The following TMEM232 variants were observed in gnomAD, a reference collection of about 807,000 sequenced individuals.
TMEM232 encodes transmembrane protein 232.
In TMEM232, 80 loss-of-function variants were observed where a neutral mutation model predicts 78.8. The observed-to-expected ratio is 1.01, with a 90% confidence interval of 0.85 to 1.22. TMEM232 has a LOEUF of 1.22. Among genes scored for constraint, TMEM232 ranks in the 50% most tolerant of loss-of-function variants. The pLI, the probability that TMEM232 is intolerant of heterozygous loss-of-function variation, is 0.00. For missense variants in TMEM232, 881 were observed against 742.2 expected (o/e 1.19, Z -2.17); for synonymous variants, 297 against 254.3 (o/e 1.17, Z -1.60).
At chr5:110,701,878 G>C (rs759277184) in intron 1 of TMEM232, among the ~76,000 whole-genome samples, 76 of 152,132 alleles carry the variant, frequency 5.0e-4, no homozygotes, top group Middle Eastern at 3.4e-3. Context: ...TTAGCAAAGA[G>C]AAGTCATGAG....
rs1169995224 is a variant in TMEM232, at chr5:110,532,269, TCTGA to T, written c.1456-3438_1456-3435del. 9.9e-5 allele frequency among the ~76,000 whole-genome samples: 15 copies of T among 151,962 alleles called. No homozygotes were observed. In the South Asian group the frequency reaches 1.9e-3, roughly 19 times the overall value. On this transcript the variant is annotated intron_variant, in intron 11 of 13. Coordinates refer to ENST00000455884, the MANE Select transcript of TMEM232 (RefSeq NM_001039763.4). Reference sequence around the variant, plus strand: ...CCCCTGGAACTCTGGCCCAAGGCTCTCTGACTGACTCCTTCCCAGATCTTCTCGG... The same window carrying T: ...CCCCTGGAACTCTGGCCCAAGGCTCTCTGACTCCTTCCCAGATCTTCTCGG...
At chr5:110,730,224 T>C (rs1323620002), upstream of TMEM232, among the ~76,000 whole-genome samples, 1 of 152,196 alleles carries the variant, frequency 6.6e-6, no homozygotes, top group African/African-American at 2.4e-5. Context: ...TCCATAATAC[T>C]GCAATTACCT....
chr5:110,625,614 G>C (rs570190324), intron 6 of TMEM232, 181 bp from the exon 7 acceptor site: 33 of 400,888 alleles, frequency 8.2e-5, no homozygotes, highest in African/African-American at 6.9e-4. Context: ...ATACTAGACG[G>C]TAAATAATTT....
intron 7 of TMEM232, among the ~76,000 whole-genome samples, chr5:110,620,638 T>TCC (rs1308848004): frequency 1.0e-5 from 1 of 99,958 alleles, no homozygotes; most frequent in African/African-American, 4.3e-5. Flanking sequence ...TCTCTCTCTC[T>TCC]CCTCTCTCCT....
chr5:110,441,523 G>A (rs531298476), intron 12 of TMEM232, among the ~76,000 whole-genome samples: 136 of 152,260 alleles, frequency 8.9e-4, no homozygotes, highest in African/African-American at 3.2e-3. Context: ...ATGCCCTTGT[G>A]TAAGTCCTTT....
chr5:110,404,152 T>G (rs1755704648), intron 2 of TMEM232, among the ~76,000 whole-genome samples: 1 of 152,076 alleles, frequency 6.6e-6, no homozygotes, highest in African/African-American at 2.4e-5. Context: ...ATGTATAAAT[T>G]TAATTTTGAC....
chr5:110,678,808 T>C (rs1792353947), intron 1 of TMEM232, among the ~76,000 whole-genome samples: 1 of 152,146 alleles, frequency 6.6e-6, no homozygotes, highest in South Asian at 2.1e-4. Flanking sequence ...GCTTATTTCA[T>C]TTAGTGATAT....
intron 11 of TMEM232, among the ~76,000 whole-genome samples, chr5:110,532,436 C>T (rs564341949): frequency 9.2e-5 from 14 of 152,010 alleles, no homozygotes; most frequent in African/African-American, 2.2e-4. Flanking sequence ...ACCCACTCCA[C>T]ATTACCTTCT....
chr5:110,575,787 T>C (rs1777510855), intron 10 of TMEM232, among the ~76,000 whole-genome samples: 1 of 151,994 alleles, frequency 6.6e-6, no homozygotes, highest in African/African-American at 2.4e-5. Context: ...CACAGATCTT[T>C]GCAACCCTCA....
At position 110,618,574 on chromosome 5, in the gene TMEM232, G is replaced by A; in HGVS notation, c.769-12C>T. The A allele has an allele frequency of 1.3e-6, 2 of 1,534,230 alleles. No homozygotes were observed. The highest frequency in any genetic ancestry group is 1.8e-6 in the Non-Finnish European group (2 of 1,142,298). On this transcript the variant is annotated splice_polypyrimidine_tract_variant and intron_variant, in intron 7 of 13. Transcript: ENST00000455884. The stretch of plus-strand genomic sequence containing the variant: ...ATTTCATATCCTCCCTGATTAAATT[G>A]CAAATGTTTCAGGAATTAAAATATA...
At chr5:110,480,596 T>G (rs145920202) in intron 12 of TMEM232, among the ~76,000 whole-genome samples, 25 of 152,182 alleles carry the variant, frequency 1.6e-4, no homozygotes, top group African/African-American at 5.8e-4. Context: ...ATGGAAATGG[T>G]TTCCCACCCA....
At chr5:110,479,082 A>C (rs187411569) in intron 12 of TMEM232, among the ~76,000 whole-genome samples, 2 of 151,640 alleles carry the variant, frequency 1.3e-5, no homozygotes, top group East Asian at 3.9e-4. Context: ...TACCACATCT[A>C]GTCTATATAT....
At chr5:110,657,117 AT>A (rs1300761800) in intron 2 of TMEM232, among the ~76,000 whole-genome samples, 1 of 152,200 alleles carries the variant, frequency 6.6e-6, no homozygotes, top group Non-Finnish European at 1.5e-5. Context: ...AAAGTAACAA[AT>A]AGAAGAAAAG....
At chr5:110,692,866 C>A (rs1171159173) in intron 1 of TMEM232, among the ~76,000 whole-genome samples, 2 of 152,204 alleles carry the variant, frequency 1.3e-5, no homozygotes, top group Non-Finnish European at 2.9e-5. Context: ...TCTGTAGGCT[C>A]CACCTCTAGG....
At chr5:110,663,659 T>C (rs61041048) in intron 2 of TMEM232, among the ~76,000 whole-genome samples, 8,026 of 151,918 alleles carry the variant, frequency 0.053, 402 homozygotes, top group African/African-American at 0.13. Flanking sequence ...TCTCCCCAAA[T>C]TGATCTGTTA....
rs750649181 is a variant in TMEM232, at chr5:110,578,158, T to C, written c.1277-9533A>G. On this transcript the variant is annotated intron_variant, in intron 10 of 13. Coordinates refer to ENST00000455884, the MANE Select transcript of TMEM232 (RefSeq NM_001039763.4). ...TAGTTGATTCTCTTTTCAATAATAA[T>C]TGTGATTCTAATAAATAAACTACAG... Among the ~76,000 whole-genome samples the C allele has an allele frequency of 2.6e-5, 4 of 151,992 alleles. No homozygotes were observed. In the South Asian group the frequency reaches 6.2e-4, roughly 24 times the overall value.
At chr5:110,570,134 A>G (rs1421554007) in intron 10 of TMEM232, among the ~76,000 whole-genome samples, 3 of 152,014 alleles carry the variant, frequency 2.0e-5, no homozygotes, top group Non-Finnish European at 4.4e-5. Flanking sequence ...TTTAGGAGAG[A>G]AAGTATAAGC....
chr5:110,502,094 T>C (rs1021557434), intron 12 of TMEM232, among the ~76,000 whole-genome samples: 1 of 152,202 alleles, frequency 6.6e-6, no homozygotes, highest in Admixed American at 6.6e-5. Context: ...AACTCCTCCA[T>C]AGAGTATGTG....
At chr5:110,527,576 A>G (rs1770778094) in intron 12 of TMEM232, among the ~76,000 whole-genome samples, 1 of 151,970 alleles carries the variant, frequency 6.6e-6, no homozygotes, top group Non-Finnish European at 1.5e-5. Flanking sequence ...AGGCTCTTAC[A>G]TTAGGTTGTA....
Sources: allele counts gnomAD v4.1 joint callset (sites outside exome capture counted in the v4.1 genomes callset), GRCh38; gene constraint gnomAD v4.1.1; transcripts MANE v1.5; gene names NCBI Gene and HGNC (gene_info 2026-07-23, HGNC 2026-07-21).